The following CRYBG3 variants were observed in gnomAD, a reference collection of about 807,000 sequenced individuals.
The protein encoded by CRYBG3 is crystallin beta-gamma domain containing 3.
In CRYBG3, 127 loss-of-function variants were observed where a neutral mutation model predicts 244.2. That is an observed-to-expected ratio of 0.52 (90% CI 0.45 to 0.60). CRYBG3 has a LOEUF of 0.60. Ranked by LOEUF, CRYBG3 falls within the 20% of genes least tolerant of loss-of-function variation. The pLI is 0.00. For synonymous variants in CRYBG3, 1,132 were observed against 1,195.8 expected, an observed-to-expected ratio of 0.95 and a Z score of 1.10; for missense variants, 3,325 against 3,442.5, an observed-to-expected ratio of 0.97 and a Z score of 0.85.
chr3:97,924,745 C>T (rs566772906), intron 17 of CRYBG3, among the ~76,000 whole-genome samples: 3 of 152,098 alleles, frequency 2.0e-5, no homozygotes, highest in Non-Finnish European at 4.4e-5. Context: ...CTGGTGGCCA[C>T]TTTGGGCTTA....
chr3:97,837,704 C>A (rs1181574607), intron 1 of CRYBG3, among the ~76,000 whole-genome samples: 2 of 152,040 alleles, frequency 1.3e-5, no homozygotes, highest in Non-Finnish European at 2.9e-5. Context: ...TGTTAAGTGA[C>A]CTCATATTTG....
chr3:97,879,812 AT>A, intron 5 of CRYBG3, 64 bp downstream of exon 5: 1 of 1,201,944 alleles, frequency 8.3e-7, no homozygotes, highest in Non-Finnish European at 1.2e-6. Context: ...GGCTTGAGGA[AT>A]TTAATATAAG....
intron 15 of CRYBG3, among the ~76,000 whole-genome samples, chr3:97,901,630 C>T (rs553356549): frequency 1.3e-5 from 2 of 152,146 alleles, no homozygotes; most frequent in Non-Finnish European, 2.9e-5. Context: ...TATTTTTTCA[C>T]ATGAATCAAA....
rs1317825660 is a variant in CRYBG3, at chr3:97,877,256, C to G, written c.6062C>G (p.Thr2021Arg). The G allele has an allele frequency of 1.9e-5, 31 of 1,613,824 alleles. No homozygotes were observed. In the East Asian group the frequency reaches 6.9e-4, roughly 36 times the overall value. The change falls in exon 4 of 22, where the codon ACA (threonine) becomes AGA (arginine). Residue 2021 changes from threonine to arginine, a missense_variant. Coordinates refer to ENST00000389622, the MANE Select transcript of CRYBG3 (RefSeq NM_153605.4). ...DKYASAEARQ[T>R]QSVLFHDTSA... ...TATGCTTCCGCAGAAGCAAGACAAACACAGTCTGTCTTGTTTCATGATACG... is the reference window on the plus strand; with the variant it reads ...TATGCTTCCGCAGAAGCAAGACAAAGACAGTCTGTCTTGTTTCATGATACG...
chr3:97,902,226 G>A (rs2039714205), intron 15 of CRYBG3, among the ~76,000 whole-genome samples: 2 of 152,066 alleles, frequency 1.3e-5, no homozygotes, highest in Non-Finnish European at 2.9e-5. Flanking sequence ...AAGTCAGAGA[G>A]GGAATTTTTT....
chr3:97,930,616 A>G (rs568250777), intron 17 of CRYBG3, among the ~76,000 whole-genome samples: 1 of 152,176 alleles, frequency 6.6e-6, no homozygotes, highest in Admixed American at 6.6e-5. Flanking sequence ...CAATTGTTAC[A>G]TTCTTTGCCA....
At position 97,875,714 on chromosome 3, in the gene CRYBG3, A is replaced by G; in HGVS notation, c.4520A>G (p.Asn1507Ser). 3 of 1,232,292 alleles carry G rather than the reference A, an allele frequency of 2.4e-6. No homozygotes were observed. The highest frequency in any genetic ancestry group is 3.0e-6 in the Non-Finnish European group (3 of 988,096). The allele number at this position is 1,232,292 out of a possible 1,614,324, so 76.3% of individuals were successfully genotyped here. ...AGCCTTGTATGTATATCTGAAAAAA[A>G]CTTGCCAGGACACAGTAAAAACACA... The part of the protein sequence containing the change: ...SDSLVCISEK[N>S]LPGHSKNTPL... The change falls in exon 4 of 22, where the codon AAC (asparagine) becomes AGC (serine). Residue 1507 changes from asparagine to serine, a missense_variant. By Grantham distance (46) the Asn-to-Ser change is conservative (BLOSUM62 1). Coordinates refer to ENST00000389622, the MANE Select transcript of CRYBG3 (RefSeq NM_153605.4).
At chr3:97,883,487 C>G (rs1293879871) in intron 7 of CRYBG3, among the ~76,000 whole-genome samples, 4 of 152,162 alleles carry the variant, frequency 2.6e-5, no homozygotes, top group Non-Finnish European at 4.4e-5. Context: ...TCTCACCCCC[C>G]CCACCAAAAT....
intron 7 of CRYBG3, 125 bp from the exon 8 acceptor site, chr3:97,886,506 A>G: frequency 2.9e-6 from 2 of 679,400 alleles, no homozygotes; most frequent in Non-Finnish European, 4.5e-6. Context: ...TATTTCCTTT[A>G]TGTTTTCTTT....
At chr3:97,844,226 T>A (rs2038866165) in intron 2 of CRYBG3, among the ~76,000 whole-genome samples, 2 of 152,200 alleles carry the variant, frequency 1.3e-5, no homozygotes, top group Non-Finnish European at 2.9e-5. Context: ...CTTTCTTCAC[T>A]CCTTTGTGAG....
At position 97,874,370 on chromosome 3, in the gene CRYBG3, G is replaced by A; in HGVS notation, c.3176G>A (p.Ser1059Asn). The A allele has an allele frequency of 6.5e-7, 1 of 1,530,014 alleles. No homozygotes were observed. The highest frequency in any genetic ancestry group is 8.7e-7 in the Non-Finnish European group (1 of 1,145,198). The allele number at this position is 1,530,014 out of a possible 1,614,324, so 94.8% of individuals were successfully genotyped here. The change falls in exon 4 of 22, where the codon AGT becomes AAT. Residue 1059 changes from serine to asparagine, a missense_variant. By Grantham distance (46) the Ser-to-Asn change is conservative. Coordinates refer to ENST00000389622, the MANE Select transcript of CRYBG3 (RefSeq NM_153605.4). The part of the protein sequence containing the change: ...NIHFLNGGID[S>N]VSSSSSYPEE... ...CATTTTTTAAATGGTGGTATTGATA[G>A]TGTGTCATCTTCCTCTAGTTACCCT...
At chr3:97,822,479 TCTC>T (rs1253340249) in intron 1 of CRYBG3, 124 bp downstream of exon 1, 2 of 917,932 alleles carry the variant, frequency 2.2e-6, no homozygotes, top group Non-Finnish European at 3.1e-6. Context: ...CACTTTCTGT[TCTC>T]CTTCCTCCAT....
At chr3:97,857,580 T>A (rs1479375486) in intron 2 of CRYBG3, among the ~76,000 whole-genome samples, 13 of 152,126 alleles carry the variant, frequency 8.5e-5, no homozygotes, top group Admixed American at 7.9e-4. Flanking sequence ...TCTTGTTGAA[T>A]GGGTCCCTTT....
At chr3:97,890,112 G>T (rs1165539494) in intron 10 of CRYBG3, among the ~76,000 whole-genome samples, 4 of 152,098 alleles carry the variant, frequency 2.6e-5, no homozygotes, top group African/African-American at 4.8e-5. Flanking sequence ...TCTGATTTAT[G>T]GAACTGACTT....
intron 17 of CRYBG3, among the ~76,000 whole-genome samples, chr3:97,926,745 G>A (rs1034402681): frequency 2.0e-5 from 3 of 151,934 alleles, no homozygotes; most frequent in African/African-American, 7.2e-5. Flanking sequence ...AATCAGTGTA[G>A]AAAAATCAGT....
chr3:97,843,205 G>A lies in CRYBG3; in HGVS notation c.160G>A (p.Glu54Lys), dbSNP rs2108171818. 5.9e-6 allele frequency: 9 copies of A among 1,515,752 alleles called. No individual in the cohort carries two copies. The highest frequency in any genetic ancestry group is 7.9e-6 in the Non-Finnish European group (9 of 1,135,574). The allele number at this position is 1,515,752 out of a possible 1,614,324, so 93.9% of individuals were successfully genotyped here. A position where few individuals can be genotyped will look rare whatever the true frequency, so the allele number is the denominator to read the frequency against. Residue 54 changes from glutamate to lysine, a missense_variant, in exon 2 of 22, where the codon GAG (glutamate) becomes AAG (lysine). This residue lies in a region of CRYBG3 where 1,526 missense variants were observed against 1,443.2 expected (regional missense o/e 1.06). Coordinates refer to ENST00000389622, the MANE Select transcript of CRYBG3 (RefSeq NM_153605.4). ...GTTTTTATTTTTCAGTGTTGAAAAT[G>A]AGCCCATGAGCACAAGTCAGAAAAA... ...PGRSAASVEN[E>K]PMSTSQKKEN...
Position 97,876,532 on chromosome 3 carries a change from T to G in CRYBG3, c.5338T>G (p.Ser1780Ala), listed in dbSNP as rs1230047475. The change falls in exon 4 of 22, where the codon TCT (serine) becomes GCT (alanine). Residue 1780 changes from serine to alanine, a missense_variant. Ser to Ala is a moderately conservative substitution (Grantham distance 99). Transcript: ENST00000389622. ...AKGFTGNTEG[S>A]VLKMEATYRK... ...AGGTTTTACCGGGAACACTGAAGGG[T>G]CTGTGTTGAAAATGGAAGCTACTTA... 3 of 1,231,740 alleles carry G rather than the reference T, an allele frequency of 2.4e-6. No individual in the cohort carries two copies. In the African/African-American group the frequency reaches 4.7e-5, roughly 19 times the overall value. The allele number at this position is 1,231,740 out of a possible 1,614,324, so 76.3% of individuals were successfully genotyped here. A position where few individuals can be genotyped will look rare whatever the true frequency, so the allele number is the denominator to read the frequency against.
rs2040294874 is a variant in CRYBG3, at chr3:97,944,065, G to A, written c.*751G>A. 6.6e-6 allele frequency: 1 copy of A among 150,972 alleles called. No homozygotes were observed. The highest frequency in any genetic ancestry group is 2.1e-4 in the South Asian group (1 of 4,788). 9.4% of individuals were successfully genotyped at this position (150,972 alleles called of 1,614,324 possible). On this transcript the variant is annotated 3_prime_UTR_variant, in exon 22 of 22. Coordinates refer to ENST00000389622, the MANE Select transcript of CRYBG3 (RefSeq NM_153605.4). ...CAAGACTCTATAACAGTGGTTACCT[G>A]TCTCCATGTTGACACTTCATCCTAG...
intron 15 of CRYBG3, among the ~76,000 whole-genome samples, chr3:97,907,354 C>T (rs1213995606): frequency 2.0e-5 from 3 of 151,970 alleles, no homozygotes; most frequent in South Asian, 2.1e-4. Context: ...TGGTAGAATT[C>T]GGCTGTGAAT....
Sources: gnomAD v4.1 joint callset for allele counts (sites outside exome capture counted in the v4.1 genomes callset) on GRCh38, gnomAD v4.1.1 for gene constraint, gnomAD v4.1.1 regional missense constraint, MANE v1.5 for transcripts, NCBI Gene and HGNC (gene_info 2026-07-23, HGNC 2026-07-21) for gene names.